ATP2B2: variants seen among roughly 807,000 people sequenced by gnomAD.
ATP2B2 encodes ATPase plasma membrane Ca2+ transporting 2, also known as plasma membrane calcium-transporting ATPase 2.
ATP2B2 carries 15 observed loss-of-function variants against 120.0 expected under a neutral mutation model. The observed-to-expected ratio is 0.12, with a 90% CI of 0.08 to 0.19. The LOEUF (loss-of-function observed/expected upper bound fraction) is 0.19, where lower values mean the gene tolerates loss of function less well. Among genes scored for constraint, ATP2B2 ranks in the 10% least tolerant of loss-of-function variants. The probability of loss-of-function intolerance (pLI) is 1.00; values close to 1 mark genes in which losing one functional copy is unlikely to be tolerated. For synonymous variants in ATP2B2, 694 were observed against 700.3 expected (o/e 0.99, Z 0.14); for missense variants, 1,045 against 1,719.8 (o/e 0.61, Z 6.94).
chr3:10,487,267 CAG>C (rs914873167), intron 1 of ATP2B2, among the ~76,000 whole-genome samples: 4 of 152,198 alleles, frequency 2.6e-5, no homozygotes, highest in South Asian at 2.1e-4. Flanking sequence ...CATGCACATA[CAG>C]AGAGACACAC....
Position 10,385,282 on chromosome 3 carries a change from G to A in ATP2B2, c.986C>T (p.Ala329Val). The A allele has an allele frequency of 6.2e-7, 1 of 1,613,914 alleles. No individual in the cohort carries two copies. Among genetic ancestry groups the A allele is most frequent in the Non-Finnish European group, 8.5e-7 (1 of 1,179,974 alleles). Residue 329 changes from alanine to valine, a missense_variant, in exon 8 of 23, where the codon GCC (alanine) becomes GTC (valine). Ala to Val is a moderately conservative substitution (Grantham distance 64). Around this residue, in one of 11 missense-constraint regions of ATP2B2, gnomAD observed 145 missense variants for 202.0 expected, o/e 0.72. Coordinates refer to ENST00000360273, the MANE Select transcript of ATP2B2 (RefSeq NM_001001331.4). Reference protein sequence around the residue: ...AASNAADSANASLVNGKMQDG... With the variant: ...AASNAADSANVSLVNGKMQDG... Reference sequence around the variant, plus strand: ...GGGAGACATACCATTGACTAGGCTGGCATTCGCACTATCTGCAGCATTTGA... The same window carrying A: ...GGGAGACATACCATTGACTAGGCTGACATTCGCACTATCTGCAGCATTTGA...
intron 2 of ATP2B2, among the ~76,000 whole-genome samples, chr3:10,557,600 C>T (rs1354097057): frequency 6.6e-6 from 1 of 152,190 alleles, no homozygotes; most frequent in Admixed American, 6.5e-5. Context: ...GAGAAACGGA[C>T]TGGGCATTTA....
At chr3:10,703,227 A>G (rs1300549992) in intron 1 of ATP2B2, among the ~76,000 whole-genome samples, 1 of 152,150 alleles carries the variant, frequency 6.6e-6, no homozygotes, top group African/African-American at 2.4e-5. Flanking sequence ...ACATGGGAAG[A>G]GGGATGGGCT....
In ATP2B2 at chr3:10,505,529, C is replaced by G. The variant is rs2066590917; in HGVS notation, c.-384G>C. ...GGCGGGCAGCCCCGTAATCGCGGTG[C>G]GGCAGCTGGTGCCGCGGCTGAGCCC... On this transcript the variant is annotated 5_prime_UTR_variant, in exon 1 of 23. Coordinates refer to ENST00000360273, the MANE Select transcript of ATP2B2 (RefSeq NM_001001331.4). 6.7e-6 allele frequency: 1 copy of G among 149,938 alleles called. No homozygotes were observed. 9.3% of individuals were successfully genotyped at this position (149,938 alleles called of 1,614,324 possible). A position where few individuals can be genotyped will look rare whatever the true frequency, so the allele number is the denominator to read the frequency against.
chr3:10,419,921 T>C (rs1050172641), intron 2 of ATP2B2, among the ~76,000 whole-genome samples: 2 of 152,210 alleles, frequency 1.3e-5, no homozygotes, highest in African/African-American at 4.8e-5. Flanking sequence ...AATGGGGTGC[T>C]CAGGAAATTT....
intron 1 of ATP2B2, among the ~76,000 whole-genome samples, chr3:10,682,590 GACAGAC>G (rs1375946384): frequency 6.6e-6 from 1 of 152,188 alleles, no homozygotes; most frequent in Admixed American, 6.5e-5. Context: ...CTATTAAGAG[GACAGAC>G]CTGGGAGATG....
rs901177214 is a variant in ATP2B2, at chr3:10,514,813, C to T, written c.-320+19226G>A. On this transcript the variant is annotated intron_variant, in intron 3 of 21. Coordinates refer to the ATP2B2 transcript ENST00000646379. ...CAGTCTAGTGGCCACTCTGCAGGCC[C>T]TCTATGGATGAGACTTCCTGAAAGG... Among the ~76,000 whole-genome samples the T allele has an allele frequency of 5.3e-5, 8 of 152,228 alleles. No homozygotes were observed. In the East Asian group the frequency reaches 1.5e-3, roughly 29 times the overall value.
rs1575124343 is a variant in ATP2B2 at position 10,401,005 on chromosome 3, T to C, written c.729A>G (p.Gly243=). ...DLKIDESSLT[G]ESDQVRKSVD... Reference sequence around the variant, plus strand: ...CGGACTTGCGCACCTGGTCAGACTCTCCAGTTAGGGAGCTTTCATCAATCT... The same window carrying C: ...CGGACTTGCGCACCTGGTCAGACTCCCCAGTTAGGGAGCTTTCATCAATCT... Residue 243 remains glycine (G), a synonymous_variant, in exon 5 of 23, where the codon GGA becomes GGG. Transcript: ENST00000360273. The C allele has an allele frequency of 2.0e-5, 33 of 1,614,138 alleles. No homozygotes were observed. In the East Asian group the frequency reaches 7.4e-4, roughly 36 times the overall value.
At chr3:10,498,007 T>C (rs189749201) in intron 1 of ATP2B2, among the ~76,000 whole-genome samples, 1 of 152,332 alleles carries the variant, frequency 6.6e-6, no homozygotes, top group East Asian at 1.9e-4. Flanking sequence ...TATCATATTT[T>C]CTTGACTCTA....
Position 10,385,347 on chromosome 3 carries a change from A to G in ATP2B2, c.941-20T>C. The stretch of plus-strand genomic sequence containing the variant: ...CTGCTGCTGCAGGGGGGTGGGAGGG[A>G]TGGAAAATGCAGTGTCACAATGGAG... On this transcript the variant is annotated intron_variant, in intron 7 of 22. Coordinates refer to ENST00000360273, the MANE Select transcript of ATP2B2 (RefSeq NM_001001331.4). The G allele has an allele frequency of 6.2e-7, 1 of 1,611,776 alleles. No individual in the cohort carries two copies. Among genetic ancestry groups the G allele is most frequent in the Non-Finnish European group, 8.5e-7 (1 of 1,178,720 alleles).
rs1256416708 is a variant in ATP2B2, at chr3:10,326,534, CA to C, written c.*2279del. The C allele has an allele frequency of 5.0e-6, 2 of 396,214 alleles. No homozygotes were observed. Among genetic ancestry groups the C allele is most frequent in the East Asian group, 3.6e-5 (1 of 28,002 alleles). The allele number at this position is 396,214 out of a possible 1,614,324, so 24.5% of individuals were successfully genotyped here. The stretch of plus-strand genomic sequence containing the variant: ...TGGAAAACTGTGAGAAAGGAAACTC[CA>C]AAAAACACCATGTTCCAAGGCTGCC... On this transcript the variant is annotated 3_prime_UTR_variant, in exon 23 of 23. Coordinates refer to ENST00000360273, the MANE Select transcript of ATP2B2 (RefSeq NM_001001331.4).
chr3:10,396,625 A>G (rs2062045470), intron 5 of ATP2B2, among the ~76,000 whole-genome samples: 1 of 152,258 alleles, frequency 6.6e-6, no homozygotes, highest in Admixed American at 6.5e-5. Context: ...GCTGTTATGC[A>G]GGGAGTTCAG....
intron 1 of ATP2B2, among the ~76,000 whole-genome samples, chr3:10,676,276 G>A (rs146510938): frequency 8.5e-5 from 13 of 152,290 alleles, no homozygotes; most frequent in Non-Finnish European, 1.3e-4. Flanking sequence ...TTGGACCTCA[G>A]CTGGATCCCC....
chr3:10,388,251 C>T, intron 6 of ATP2B2, 26 bp downstream of exon 6: 2 of 1,614,092 alleles, frequency 1.2e-6, no homozygotes, highest in South Asian at 2.2e-5. Context: ...AGCTCCTCTC[C>T]TGGTCTGCAA....
intron 1 of ATP2B2, among the ~76,000 whole-genome samples, chr3:10,453,458 G>A (rs1262371741): frequency 6.6e-6 from 1 of 152,192 alleles, no homozygotes; most frequent in East Asian, 1.9e-4. Context: ...AAGATCACAA[G>A]ATTAGTGAGT....
intron 3 of ATP2B2, among the ~76,000 whole-genome samples, chr3:10,524,391 A>G (rs1255864830): frequency 1.3e-5 from 2 of 152,196 alleles, no homozygotes; most frequent in African/African-American, 2.4e-5. Flanking sequence ...CATTGCTATC[A>G]CACCCATTTT....
chr3:10,380,747 TCAC>T (rs2125545220), intron 8 of ATP2B2, among the ~76,000 whole-genome samples: 2 of 152,326 alleles, frequency 1.3e-5, no homozygotes, highest in South Asian at 4.1e-4. Context: ...AGTCTTCATT[TCAC>T]CACCAACTAG....
At chr3:10,567,950 A>G (rs1435253645) in intron 2 of ATP2B2, among the ~76,000 whole-genome samples, 1 of 152,226 alleles carries the variant, frequency 6.6e-6, no homozygotes, top group Non-Finnish European at 1.5e-5. Context: ...AGGTGGCAGC[A>G]TTGACTGTCT....
rs1365238445 is a variant in ATP2B2, at chr3:10,355,848, C to T, written c.2136+2843G>A. ...CAGCACTTTGGGAGGCCGAGGCGGG[C>T]GGATCACGAGGTCAGGAGATCGAGA... On this transcript the variant is annotated intron_variant, in intron 14 of 22. Transcript: ENST00000360273. Among the ~76,000 whole-genome samples the T allele has an allele frequency of 2.8e-4, 14 of 50,684 alleles. 2 individuals carry two copies. Among genetic ancestry groups the T allele is most frequent in the African/African-American group, 9.5e-4 (12 of 12,662 alleles). The allele number at this position is 50,684 out of a possible 152,430, so 33.3% of individuals were successfully genotyped here.
Sources: allele counts gnomAD v4.1 joint callset (sites outside exome capture counted in the v4.1 genomes callset), GRCh38; gene constraint gnomAD v4.1.1; regional missense constraint gnomAD v4.1.1; transcripts MANE v1.5; gene names NCBI Gene and HGNC (gene_info 2026-07-23, HGNC 2026-07-21).